The following NCAM2 variants were observed in gnomAD, a reference collection of about 807,000 sequenced individuals.
NCAM2 encodes neural cell adhesion molecule 2, also known as N-CAM-2.
NCAM2 carries 30 observed loss-of-function variants against 98.1 expected under a neutral mutation model. That is an observed-to-expected ratio of 0.31 (90% confidence interval 0.23 to 0.41). The LOEUF is 0.41. Ranked by LOEUF, NCAM2 falls within the 10% of genes least tolerant of loss-of-function variation. The pLI is 1.00. For missense variants in NCAM2, 867 were observed against 1,005.8 expected, an observed-to-expected ratio of 0.86 and a Z score of 1.87; for synonymous variants, 368 against 342.4, an observed-to-expected ratio of 1.07 and a Z score of -0.83.
At chr21:21,497,835 C>T (rs1024329161) in intron 15 of NCAM2, among the ~76,000 whole-genome samples, 2 of 151,980 alleles carry the variant, frequency 1.3e-5, no homozygotes, top group African/African-American at 4.8e-5. Flanking sequence ...TTGAAAGTTA[C>T]CAAAAATAGC....
At position 21,045,342 on chromosome 21, in the gene NCAM2, C is replaced by G. The variant is rs562053660; in HGVS notation, c.55+46724C>G. On this transcript the variant is annotated intron_variant, in intron 1 of 17. Coordinates refer to ENST00000400546, the MANE Select transcript of NCAM2 (RefSeq NM_004540.5). ...GAAAGTTGATATGCAATTCCTGCCTCAGAATAGATAGAAACTAGGCTGGGG... is the reference window on the plus strand; with the variant it reads ...GAAAGTTGATATGCAATTCCTGCCTGAGAATAGATAGAAACTAGGCTGGGG... Among the ~76,000 whole-genome samples the G allele has an allele frequency of 6.1e-4, 92 of 152,054 alleles. 3 individuals are homozygous for G. The highest frequency in any genetic ancestry group is 5.2e-3 in the Admixed American group (80 of 15,272).
intron 1 of NCAM2, among the ~76,000 whole-genome samples, chr21:21,178,682 T>C (rs999253894): frequency 1.3e-5 from 2 of 151,986 alleles, no homozygotes; most frequent in Non-Finnish European, 2.9e-5. Flanking sequence ...AATATACCTT[T>C]ACCTATATTA....
chr21:21,458,162 G>T (rs1017204199), intron 12 of NCAM2, among the ~76,000 whole-genome samples: 1 of 152,222 alleles, frequency 6.6e-6, no homozygotes, highest in African/African-American at 2.4e-5. Context: ...CTCTGCTCCT[G>T]TTACGCCAGC....
chr21:21,035,840 G>C (rs1276829721), intron 1 of NCAM2, among the ~76,000 whole-genome samples: 2 of 152,070 alleles, frequency 1.3e-5, no homozygotes, highest in Non-Finnish European at 2.9e-5. Flanking sequence ...GTTTACCTTG[G>C]ACAAGACTTA....
intron 5 of NCAM2, among the ~76,000 whole-genome samples, chr21:21,312,610 A>G (rs1312615230): frequency 6.8e-6 from 1 of 146,194 alleles, no homozygotes; most frequent in Non-Finnish European, 1.5e-5. Context: ...TCCTATTTAC[A>G]GCTAGATTTT....
At chr21:21,085,677 T>C (rs1190404812) in intron 1 of NCAM2, among the ~76,000 whole-genome samples, 1 of 152,190 alleles carries the variant, frequency 6.6e-6, no homozygotes, top group Non-Finnish European at 1.5e-5. Context: ...TTTAAAGGCA[T>C]GTGAAGACAT....
At chr21:21,027,806 T>A (rs1001805218) in intron 1 of NCAM2, among the ~76,000 whole-genome samples, 12 of 152,280 alleles carry the variant, frequency 7.9e-5, no homozygotes, top group African/African-American at 2.6e-4. Context: ...ATGTCAAAAT[T>A]GAGTCCTGAA....
At chr21:21,095,004 T>C (rs2066091799) in intron 1 of NCAM2, among the ~76,000 whole-genome samples, 1 of 151,740 alleles carries the variant, frequency 6.6e-6, no homozygotes, top group African/African-American at 2.4e-5. Context: ...TTTCTCTATA[T>C]ATAGATTAGT....
chr21:21,391,128 G>A (rs1470084562), intron 9 of NCAM2, among the ~76,000 whole-genome samples: 1 of 152,122 alleles, frequency 6.6e-6, no homozygotes, highest in Non-Finnish European at 1.5e-5. Flanking sequence ...TGAGGCAGGA[G>A]GATCATTTGA....
At chr21:21,389,077 C>T (rs374687441) in intron 9 of NCAM2, among the ~76,000 whole-genome samples, 31 of 152,218 alleles carry the variant, frequency 2.0e-4, no homozygotes, top group Admixed American at 2.0e-3. Context: ...GAGAACTGTA[C>T]GAGTCTGTTC....
chr21:21,418,152 A>T (rs1402482466), intron 10 of NCAM2, among the ~76,000 whole-genome samples: 1 of 151,984 alleles, frequency 6.6e-6, no homozygotes, highest in Non-Finnish European at 1.5e-5. Flanking sequence ...ACTGTGTACT[A>T]CTTTCTGAGC....
At chr21:21,083,663 C>A (rs2065853856) in intron 1 of NCAM2, among the ~76,000 whole-genome samples, 3 of 152,086 alleles carry the variant, frequency 2.0e-5, no homozygotes, top group African/African-American at 2.4e-5. Context: ...AATTTGCCCA[C>A]CCCGGCATCC....
At chr21:21,114,583 C>A (rs2066516000) in intron 1 of NCAM2, among the ~76,000 whole-genome samples, 1 of 152,132 alleles carries the variant, frequency 6.6e-6, no homozygotes, top group African/African-American at 2.4e-5. Context: ...GTCTAAAGAG[C>A]ATGGCAGAAC....
Position 21,457,642 on chromosome 21 carries a change from GAA to G in NCAM2, c.1655-8952_1655-8951del, listed in dbSNP as rs536117484. ...GCAACAGAGCAAGACTCCTTCTCAA[GAA>G]AAAAAAAAAAAGTGGTGAAGAACTC... On this transcript the variant is annotated intron_variant, in intron 12 of 17. Coordinates refer to ENST00000400546, the MANE Select transcript of NCAM2 (RefSeq NM_004540.5). 5.0e-3 allele frequency among the ~76,000 whole-genome samples: 678 copies of G among 136,518 alleles called. 4 individuals are homozygous for G. Among genetic ancestry groups the G allele is most frequent in the African/African-American group, 0.017 (645 of 37,798 alleles). 89.6% of individuals were successfully genotyped at this position (136,518 alleles called of 152,430 possible).
At chr21:21,313,019 T>A (rs185007461) in intron 5 of NCAM2, among the ~76,000 whole-genome samples, 1 of 151,898 alleles carries the variant, frequency 6.6e-6, no homozygotes, top group Non-Finnish European at 1.5e-5. Flanking sequence ...GTGCATAATG[T>A]TATCTGGATT....
chr21:21,436,769 C>CTTTTTTT (rs199997405), intron 12 of NCAM2, among the ~76,000 whole-genome samples: 2 of 138,032 alleles, frequency 1.4e-5, no homozygotes, highest in Non-Finnish European at 1.6e-5. Context: ...CTTTTTTTTT[C>CTTTTTTT]TTTTTTTTTT....
chr21:21,466,345 A>G (rs1983677355), intron 12 of NCAM2, among the ~76,000 whole-genome samples: 1 of 151,960 alleles, frequency 6.6e-6, no homozygotes, highest in Admixed American at 6.6e-5. Context: ...TACTTTGAGA[A>G]TGTGTCACAA....
intron 1 of NCAM2, among the ~76,000 whole-genome samples, chr21:21,188,183 G>C (rs1211542483): frequency 6.6e-6 from 1 of 152,118 alleles, no homozygotes; most frequent in Non-Finnish European, 1.5e-5. Context: ...GTACAAGTAA[G>C]GGACTGGGAA....
intron 1 of NCAM2, among the ~76,000 whole-genome samples, chr21:21,044,914 A>G (rs553393076): frequency 1.4e-4 from 22 of 152,146 alleles, no homozygotes; most frequent in Non-Finnish European, 3.2e-4. Flanking sequence ...GTCTTAAAAT[A>G]TGCATGTTTG....
Sources: allele counts gnomAD v4.1 joint callset (sites outside exome capture counted in the v4.1 genomes callset), GRCh38; gene constraint gnomAD v4.1.1; transcripts MANE v1.5; gene names NCBI Gene and HGNC (gene_info 2026-07-23, HGNC 2026-07-21).